The following ZBTB16 variants were observed in gnomAD, a reference collection of about 807,000 sequenced individuals.
ZBTB16 encodes zinc finger and BTB domain containing 16.
In ZBTB16, 8 loss-of-function variants were observed where a neutral mutation model predicts 56.8. The observed-to-expected ratio is 0.14, with a 90% CI of 0.08 to 0.25. The LOEUF (loss-of-function observed/expected upper bound fraction) is 0.25. ZBTB16 is among the 10% of genes least tolerant of loss of function. ZBTB16 has a pLI of 1.00. For missense variants in ZBTB16, 625 were observed against 903.0 expected (o/e 0.69, Z 3.95); for synonymous variants, 363 against 368.5 (o/e 0.98, Z 0.17).
At chr11:114,234,384 C>G (rs640775) in intron 4 of ZBTB16, among the ~76,000 whole-genome samples, 105,193 of 152,110 alleles carry the variant, frequency 0.69, 38,268 homozygotes, top group South Asian at 0.81. Flanking sequence ...ACAAGTCTTC[C>G]AAGATGGTAT....
At chr11:114,136,146 C>T (rs1230900537) in intron 2 of ZBTB16, among the ~76,000 whole-genome samples, 2 of 152,212 alleles carry the variant, frequency 1.3e-5, no homozygotes, top group Non-Finnish European at 2.9e-5. Flanking sequence ...CTCAACCTTC[C>T]TTTGCTGGAG....
chr11:114,151,917 C>T (rs1345817197), intron 2 of ZBTB16, among the ~76,000 whole-genome samples: 1 of 152,218 alleles, frequency 6.6e-6, no homozygotes, highest in Non-Finnish European at 1.5e-5. Context: ...GCTTGGGTCT[C>T]TCCTTGCTGC....
chr11:114,080,426 C>T (rs764032927), intron 2 of ZBTB16, among the ~76,000 whole-genome samples: 6 of 152,118 alleles, frequency 3.9e-5, no homozygotes, highest in Non-Finnish European at 8.8e-5. Flanking sequence ...GCTGCACATG[C>T]TCGCTCTCGC....
At chr11:114,123,584 G>T (rs936820756) in intron 2 of ZBTB16, among the ~76,000 whole-genome samples, 1 of 152,148 alleles carries the variant, frequency 6.6e-6, no homozygotes, top group Non-Finnish European at 1.5e-5. Context: ...GAATGTTTGA[G>T]GGTGGCCTTG....
chr11:114,211,616 C>T (rs1943999175), intron 4 of ZBTB16, among the ~76,000 whole-genome samples: 1 of 152,222 alleles, frequency 6.6e-6, no homozygotes, highest in Admixed American at 6.5e-5. Context: ...TCCTGGTTGG[C>T]TCCCTTCCCC....
intron 4 of ZBTB16, among the ~76,000 whole-genome samples, chr11:114,223,143 T>C (rs1001184828): frequency 6.6e-6 from 1 of 152,144 alleles, no homozygotes; most frequent in Non-Finnish European, 1.5e-5. Context: ...TCTGCAGGCC[T>C]CTCTAGAGAT....
intron 2 of ZBTB16, among the ~76,000 whole-genome samples, chr11:114,112,781 A>G (rs2137783378): frequency 7.4e-6 from 1 of 134,944 alleles, no homozygotes; most frequent in Non-Finnish European, 1.6e-5. Flanking sequence ...TTTTTTTTTA[A>G]GACAGGGTCT....
intron 3 of ZBTB16, among the ~76,000 whole-genome samples, chr11:114,167,464 TA>T (rs1475033126): frequency 6.7e-6 from 1 of 149,718 alleles, no homozygotes; most frequent in Non-Finnish European, 1.5e-5. Flanking sequence ...TGCCTTGAGG[TA>T]TTATTTTAGC....
intron 6 of ZBTB16, among the ~76,000 whole-genome samples, chr11:114,249,784 AAAAAAG>A (rs1233090893): frequency 2.7e-5 from 4 of 148,094 alleles, no homozygotes; most frequent in African/African-American, 7.4e-5. Context: ...AAAAAAAAAA[AAAAAAG>A]AGAGCTTTAG....
rs1157796896 is a variant in ZBTB16, at chr11:114,063,731, A to G, written c.431A>G (p.Glu144Gly). ...ACCATGGCCGATGGCGGGGCCGAGG[A>G]AGAAGAGGACCGCAAGGCTCGGTAC... The part of the protein sequence containing the change: ...EATMADGGAE[E>G]EEDRKARYLK... The change falls in exon 2 of 7, where the codon GAA becomes GGA. Residue 144 changes from glutamate (E) to glycine (G), a missense_variant. By Grantham distance (98) the Glu-to-Gly change is moderately conservative. Around this residue, in one of 6 missense-constraint regions of ZBTB16, gnomAD observed 384 missense variants for 393.5 expected, o/e 0.98. Transcript: ENST00000335953. This position sits in a 1 kb window ranked among gnomAD's most constrained non-coding sequence, Gnocchi z 6.5. The G allele has an allele frequency of 1.9e-6, 3 of 1,614,020 alleles. 1 individual carries two copies. The South Asian group carries it at 3.3e-5, about 18-fold the overall frequency.
intron 3 of ZBTB16, among the ~76,000 whole-genome samples, chr11:114,171,634 A>G (rs979140910): frequency 1.3e-5 from 2 of 152,204 alleles, no homozygotes; most frequent in Non-Finnish European, 2.9e-5. Flanking sequence ...TGACACCACA[A>G]GGCCGGCGTG....
At chr11:114,195,778 G>T (rs7106340) in intron 4 of ZBTB16, among the ~76,000 whole-genome samples, 36,259 of 152,084 alleles carry the variant, frequency 0.24, 4,518 homozygotes, top group Middle Eastern at 0.34. Context: ...CATCATCCTG[G>T]TCTTCCTCAG....
chr11:114,239,305 T>C (rs1944654931), intron 4 of ZBTB16, among the ~76,000 whole-genome samples: 1 of 152,152 alleles, frequency 6.6e-6, no homozygotes. Context: ...AGGAGAAGCC[T>C]TGGCTCTTAA....
At chr11:114,179,120 C>G (rs1465163999) in intron 3 of ZBTB16, among the ~76,000 whole-genome samples, 1 of 152,212 alleles carries the variant, frequency 6.6e-6, no homozygotes, top group Non-Finnish European at 1.5e-5. Flanking sequence ...TGAACCATAT[C>G]CTGGACCTAT....
chr11:114,186,811 G>A, intron 3 of ZBTB16, 141 bp from the exon 4 acceptor site: 1 of 770,112 alleles, frequency 1.3e-6, no homozygotes, highest in Non-Finnish European at 2.3e-6. Flanking sequence ...GAGGGTCTGA[G>A]CCATGGATGA....
At chr11:114,179,045 C>A (rs1943184144) in intron 3 of ZBTB16, among the ~76,000 whole-genome samples, 1 of 152,194 alleles carries the variant, frequency 6.6e-6, no homozygotes, top group South Asian at 2.1e-4. Flanking sequence ...ACCCTCCCAT[C>A]TTGTAGTGAG....
intron 2 of ZBTB16, among the ~76,000 whole-genome samples, chr11:114,128,142 C>T (rs1038646079): frequency 3.9e-5 from 6 of 152,224 alleles, no homozygotes; most frequent in Non-Finnish European, 8.8e-5. Context: ...CTCGTCTGGT[C>T]CCTGGCTTTA....
At chr11:114,200,730 C>T (rs1172201783) in intron 4 of ZBTB16, among the ~76,000 whole-genome samples, 3 of 152,154 alleles carry the variant, frequency 2.0e-5, no homozygotes, top group African/African-American at 4.8e-5. Context: ...GGTTTCCACT[C>T]GTCTCCCCTC....
chr11:114,068,060 C>CAAAAAAAA (rs4020463), intron 2 of ZBTB16, among the ~76,000 whole-genome samples: 8 of 111,266 alleles, frequency 7.2e-5, no homozygotes, highest in East Asian at 2.6e-4. Flanking sequence ...AAAGCCAAGA[C>CAAAAAAAA]AAAAAAAAAA....
Sources: allele counts gnomAD v4.1 joint callset (sites outside exome capture counted in the v4.1 genomes callset), GRCh38; gene constraint gnomAD v4.1.1; regional missense constraint gnomAD v4.1.1; non-coding constraint Gnocchi (gnomAD v3.1); transcripts MANE v1.5; gene names NCBI Gene and HGNC (gene_info 2026-07-23, HGNC 2026-07-21).